The following SPTLC3 variants were observed in gnomAD, a reference collection of about 807,000 sequenced individuals.
The protein encoded by SPTLC3 is serine palmitoyltransferase long chain base subunit 3.
Under a neutral mutation model 59.3 loss-of-function variants are expected in SPTLC3, and 36 were observed. That is an observed-to-expected ratio of 0.61 (90% confidence interval 0.47 to 0.80). The LOEUF (loss-of-function observed/expected upper bound fraction) is 0.80. Ranked by LOEUF, SPTLC3 falls within the 30% of genes least tolerant of loss-of-function variation. The pLI is 0.00. For synonymous variants in SPTLC3, 257 were observed against 240.8 expected (o/e 1.07, Z -0.62); for missense variants, 625 against 685.1 (o/e 0.91, Z 0.98).
At position 13,154,761 on chromosome 20, in the gene SPTLC3, ATT is replaced by A. The variant is rs1191798514; in HGVS notation, c.1415+624_1415+625del. On this transcript the variant is annotated intron_variant, in intron 10 of 11. Coordinates refer to ENST00000399002, the MANE Select transcript of SPTLC3 (RefSeq NM_018327.4). Reference sequence around the variant, plus strand: ...TACTTGATTGCAACTTTGAAACAGCATTAGCAACAACTGCATAAAGAGGAAAA... The same window carrying A: ...TACTTGATTGCAACTTTGAAACAGCAAGCAACAACTGCATAAAGAGGAAAA... Among the ~76,000 whole-genome samples, 26 of 152,356 alleles carry A rather than the reference ATT, an allele frequency of 1.7e-4. No homozygotes were observed. The South Asian group carries it at 5.0e-3, about 29-fold the overall frequency.
intron 6 of SPTLC3, among the ~76,000 whole-genome samples, chr20:13,098,606 C>T (rs1300739088): frequency 1.3e-5 from 2 of 152,100 alleles, no homozygotes; most frequent in Non-Finnish European, 2.9e-5. Context: ...TCATGCCCTC[C>T]CTTTGTACTC....
intron 9 of SPTLC3, among the ~76,000 whole-genome samples, chr20:13,147,386 C>T (rs557036307): frequency 6.6e-6 from 1 of 152,194 alleles, no homozygotes; most frequent in South Asian, 2.1e-4. Flanking sequence ...TGATCTTTAC[C>T]GAGATCTCTC....
intron 2 of SPTLC3, among the ~76,000 whole-genome samples, chr20:13,067,344 T>C (rs1364316630): frequency 1.3e-5 from 2 of 152,080 alleles, no homozygotes; most frequent in Non-Finnish European, 1.5e-5. Flanking sequence ...TGTCAGCTTG[T>C]TATAGCTCTT....
chr20:13,021,212 C>T (rs1600208176), intron 1 of SPTLC3, among the ~76,000 whole-genome samples: 1 of 152,156 alleles, frequency 6.6e-6, no homozygotes, highest in African/African-American at 2.4e-5. Context: ...TTTTCCTATG[C>T]ATTTTCTATT....
At chr20:13,131,833 G>A (rs1255864805) in intron 9 of SPTLC3, among the ~76,000 whole-genome samples, 2 of 152,094 alleles carry the variant, frequency 1.3e-5, no homozygotes, top group African/African-American at 4.8e-5. Context: ...CTTCCCCACT[G>A]AGAACTTTCT....
At chr20:13,053,428 G>A (rs1299079414) in intron 2 of SPTLC3, among the ~76,000 whole-genome samples, 1 of 152,078 alleles carries the variant, frequency 6.6e-6, no homozygotes, top group African/African-American at 2.4e-5. Flanking sequence ...ATAAATCCAT[G>A]AGGATGAGGA....
At chr20:13,123,309 C>T (rs904210333) in intron 8 of SPTLC3, among the ~76,000 whole-genome samples, 9 of 148,734 alleles carry the variant, frequency 6.1e-5, no homozygotes, top group Admixed American at 2.0e-4. Context: ...CCAGCCTGGC[C>T]GACAGAGCAA....
Position 13,117,569 on chromosome 20 carries a change from C to A in SPTLC3, c.996C>A (p.Tyr332Ter). 1 of 1,613,812 alleles carries A rather than the reference C, an allele frequency of 6.2e-7. No individual in the cohort carries two copies. The highest frequency in any genetic ancestry group is 8.5e-7 in the Non-Finnish European group (1 of 1,179,854). ...CTCTAAAGAAGAAATACAAGGCTTA[C>A]CTCTACATAGATGAAGCTCACAGTA... Reference protein sequence around the residue: ...IIALKKKYKAYLYIDEAHSIG... With the variant: ...IIALKKKYKA The change falls in exon 8 of 12, where the codon TAC becomes TAA. Residue 332 changes from tyrosine to a stop codon, truncating the protein, a stop_gained. Transcript: ENST00000399002. LOFTEE classifies it high-confidence loss of function.
chr20:13,116,514 AT>A (rs1336347027), intron 7 of SPTLC3, among the ~76,000 whole-genome samples: 3 of 152,106 alleles, frequency 2.0e-5, no homozygotes, highest in Non-Finnish European at 4.4e-5. Context: ...TTTTAATTTT[AT>A]TTATTCATAG....
intron 6 of SPTLC3, among the ~76,000 whole-genome samples, chr20:13,109,823 C>T (rs1990123159): frequency 6.6e-6 from 1 of 152,302 alleles, no homozygotes; most frequent in African/African-American, 2.4e-5. Flanking sequence ...CGTAGAATTT[C>T]AATCTCTCTA....
At position 13,160,122 on chromosome 20, in the gene SPTLC3, T is replaced by C. The variant is rs779634096; in HGVS notation, c.1535T>C (p.Met512Thr). 1.2e-5 allele frequency: 20 copies of C among 1,613,830 alleles called. No homozygotes were observed. The highest frequency in any genetic ancestry group is 7.7e-5 in the South Asian group (7 of 91,080). Residue 512 changes from methionine to threonine, a missense_variant, in exon 11 of 12, where the codon ATG becomes ACG. By Grantham distance (81) the Met-to-Thr change is moderately conservative. Transcript: ENST00000399002. ...GTTTCAGCGGCACATACCCGGGAGA[T>C]GTTAGACACGGTGAGTACACCACAG... ...FCVSAAHTRE[M>T]LDTVLEALDE... is the part of the protein sequence containing the mutation.
chr20:13,090,581 T>C (rs929188093), intron 4 of SPTLC3, among the ~76,000 whole-genome samples: 7 of 152,160 alleles, frequency 4.6e-5, no homozygotes, highest in Admixed American at 3.3e-4. Context: ...GCACCAGTCA[T>C]AGGTATACAG....
At chr20:13,072,439 G>A in intron 3 of SPTLC3, 29 bp downstream of exon 3, 3 of 1,528,852 alleles carry the variant, frequency 2.0e-6, no homozygotes, top group Admixed American at 2.2e-5. Context: ...GGGGATTGGT[G>A]AAAAGAAAAA....
At chr20:13,073,040 T>G (rs1988503856) in intron 3 of SPTLC3, among the ~76,000 whole-genome samples, 1 of 152,246 alleles carries the variant, frequency 6.6e-6, no homozygotes, top group African/African-American at 2.4e-5. Context: ...ATCTTAAATA[T>G]TTGTCTTTTT....
At chr20:13,093,115 T>C (rs1989287362) in intron 5 of SPTLC3, among the ~76,000 whole-genome samples, 1 of 152,156 alleles carries the variant, frequency 6.6e-6, no homozygotes, top group African/African-American at 2.4e-5. Context: ...CTGTTCCAAA[T>C]AATCTCTCAT....
At chr20:13,101,562 C>G (rs1198684381) in intron 6 of SPTLC3, among the ~76,000 whole-genome samples, 2 of 152,152 alleles carry the variant, frequency 1.3e-5, no homozygotes, top group Non-Finnish European at 2.9e-5. Context: ...CTCAGGCTGC[C>G]CTTGTGCTAT....
chr20:13,059,468 T>C (rs115275105), intron 2 of SPTLC3, among the ~76,000 whole-genome samples: 1 of 152,326 alleles, frequency 6.6e-6, no homozygotes, highest in African/African-American at 2.4e-5. Flanking sequence ...ACCACCTGCA[T>C]TCAGGTGCAG....
chr20:13,098,871 T>A (rs748635897), intron 6 of SPTLC3, among the ~76,000 whole-genome samples: 2 of 152,164 alleles, frequency 1.3e-5, no homozygotes, highest in African/African-American at 2.4e-5. Flanking sequence ...CCTGGAGCTA[T>A]CTGGGTAAAT....
At chr20:13,040,046 CGTGTGTGTGT>C (rs3038800) in intron 1 of SPTLC3, among the ~76,000 whole-genome samples, 24 of 147,968 alleles carry the variant, frequency 1.6e-4, no homozygotes, top group Admixed American at 6.1e-4. Context: ...TATGCATGTA[CGTGTGTGTGT>C]GTGTGTGTGT....
Sources: allele counts gnomAD v4.1 joint callset (sites outside exome capture counted in the v4.1 genomes callset), GRCh38; gene constraint gnomAD v4.1.1; transcripts MANE v1.5; gene names NCBI Gene and HGNC (gene_info 2026-07-23, HGNC 2026-07-21).